Variants in CAPN10 observed in about 807,000 individuals in gnomAD.
The protein encoded by CAPN10 is calpain 10.
Under a neutral mutation model 78.4 loss-of-function variants are expected in CAPN10, and 71 were observed. The ratio of observed to expected loss-of-function variants is 0.91; its 90% CI spans 0.75 to 1.10. The LOEUF is 1.10. Among genes scored for constraint, CAPN10 ranks in the 50% least tolerant of loss-of-function variants. CAPN10 has a pLI of 0.00. For missense variants in CAPN10, 849 were observed against 924.6 expected (o/e 0.92, Z 1.06); for synonymous variants, 437 against 407.2 (o/e 1.07, Z -0.88).
At chr2:240,594,861 A>T (rs1323896103) in intron 6 of CAPN10, 152 bp downstream of exon 6, 1 of 1,193,106 alleles carries the variant, frequency 8.4e-7, no homozygotes, top group African/African-American at 1.5e-5. Flanking sequence ...GAGGGTGATG[A>T]TTCTGTCCCA....
chr2:240,591,093 G>T, intron 3 of CAPN10, 82 bp downstream of exon 3: 2 of 1,335,010 alleles, frequency 1.5e-6, no homozygotes, highest in Non-Finnish European at 2.1e-6. Flanking sequence ...GAGGGTCTCT[G>T]CTCACTCTGG....
At chr2:240,597,069 C>G (rs562195434) in intron 9 of CAPN10, 127 bp downstream of exon 9, 1 of 1,197,288 alleles carries the variant, frequency 8.4e-7, no homozygotes, top group Non-Finnish European at 1.2e-6. Flanking sequence ...CCCTTCGAGG[C>G]GCTGCCTAGA....
rs532006792 is a variant in CAPN10, at chr2:240,599,025, A to G, written c.*345A>G. 1 of 418,656 alleles carries G rather than the reference A, an allele frequency of 2.4e-6. No individual in the cohort carries two copies. Among genetic ancestry groups the G allele is most frequent in the African/African-American group, 2.0e-5 (1 of 50,980 alleles). The allele number at this position is 418,656 out of a possible 1,614,324, so 25.9% of individuals were successfully genotyped here. A position where few individuals can be genotyped will look rare whatever the true frequency, so the allele number is the denominator to read the frequency against. On this transcript the variant is annotated 3_prime_UTR_variant, in exon 12 of 12. Transcript: ENST00000391984. ...TCACACCCAGAGGGTAGGGCAGCAG[A>G]TCTTCTTTATAACTATTTATTGTTC...
In CAPN10 at chr2:240,593,919, G is replaced by C. The variant is rs958236911; in HGVS notation, c.702G>C (p.Leu234=). Reference sequence around the variant, plus strand: ...TTCCTCATGCAGGTGCCCGGGAGCTGGGGGAGTTCCATGCCTTCATTGTCT... The same window carrying C: ...TTCCTCATGCAGGTGCCCGGGAGCTCGGGGAGTTCCATGCCTTCATTGTCT... ...VLSPRAGARE[L]GEFHAFIVSD... The change falls in exon 5 of 12, where the codon CTG becomes CTC. Residue 234 remains leucine (L), a synonymous_variant. Coordinates refer to ENST00000391984, the MANE Select transcript of CAPN10 (RefSeq NM_023083.4). 74 of 1,602,336 alleles carry C rather than the reference G, an allele frequency of 4.6e-5. No homozygotes were observed. The highest frequency in any genetic ancestry group is 6.1e-5 in the Non-Finnish European group (72 of 1,171,922).
intron 9 of CAPN10, 62 bp downstream of exon 9, chr2:240,597,004 T>G: frequency 1.3e-6 from 2 of 1,596,290 alleles, no homozygotes; most frequent in South Asian, 2.2e-5. Flanking sequence ...ATTTGCATCT[T>G]GGCCTCCATT....
intron 2 of CAPN10, 185 bp downstream of exon 2, chr2:240,589,659 G>A (rs2093089062): frequency 3.2e-6 from 2 of 622,662 alleles, no homozygotes; most frequent in Admixed American, 3.7e-5. Context: ...CTCTGCTGCA[G>A]GGGGGGGTGC....
chr2:240,589,181 AAGGACACCCGCTGC>A (rs2093085789), intron 1 of CAPN10, among the ~76,000 whole-genome samples, 148 bp from the exon 2 acceptor site: 1 of 152,158 alleles, frequency 6.6e-6, no homozygotes, highest in Non-Finnish European at 1.5e-5. Context: ...CCAGGAGCTG[AAGGACACCCGCTGC>A]AGGAAACCAC....
intron 6 of CAPN10, 66 bp from the exon 7 acceptor site, chr2:240,594,958 G>A (rs914126319): frequency 1.3e-6 from 2 of 1,551,286 alleles, no homozygotes; most frequent in Non-Finnish European, 1.8e-6. Context: ...GGTTCATGAG[G>A]CCACCATGGC....
At chr2:240,593,859 A>T in intron 4 of CAPN10, 47 bp from the exon 5 acceptor site, 1 of 1,536,798 alleles carries the variant, frequency 6.5e-7, no homozygotes. Flanking sequence ...TCAGTTTGGG[A>T]CTCCATGGTG....
Position 240,592,341 on chromosome 2 carries a change from G to A in CAPN10, c.688+191G>A, listed in dbSNP as rs533405248. On this transcript the variant is annotated intron_variant, in intron 4 of 11. Coordinates refer to ENST00000391984, the MANE Select transcript of CAPN10 (RefSeq NM_023083.4). Reference sequence around the variant, plus strand: ...CCCTACTGTCCTCTTCCAGAGGGACGTGGCCCTTCTCTCCCCTGACCAGTC... The same window carrying A: ...CCCTACTGTCCTCTTCCAGAGGGACATGGCCCTTCTCTCCCCTGACCAGTC... The A allele has an allele frequency of 8.0e-5, 54 of 672,968 alleles. 1 individual carries two copies. In the East Asian group the frequency reaches 9.0e-4, roughly 11 times the overall value. The allele number at this position is 672,968 out of a possible 1,614,324, so 41.7% of individuals were successfully genotyped here. A position where few individuals can be genotyped will look rare whatever the true frequency, so the allele number is the denominator to read the frequency against.
intron 9 of CAPN10, among the ~76,000 whole-genome samples, chr2:240,597,277 G>T (rs567835808): frequency 6.6e-6 from 1 of 152,328 alleles, no homozygotes; most frequent in African/African-American, 2.4e-5. Context: ...GGTGGGTCGA[G>T]CCCTGGCTTG....
Position 240,596,709 on chromosome 2 carries a change from A to G in CAPN10, c.1510A>G (p.Thr504Ala), listed in dbSNP as rs7607759. 0.16 allele frequency: 247,352 copies of G among 1,563,144 alleles called. 20,757 individuals carry two copies. Among genetic ancestry groups the G allele is most frequent in the South Asian group, 0.19 (15,853 of 82,760 alleles). The change falls in exon 9 of 12, where the codon ACC becomes GCC. Residue 504 changes from threonine (T) to alanine (A), a missense_variant. By Grantham distance (58) the Thr-to-Ala change is moderately conservative (BLOSUM62 0). Transcript: ENST00000391984. ...SAIRAVAKNTTPGAALPAGEW... is the reference protein window; with the variant it reads ...SAIRAVAKNTAPGAALPAGEW... ...CATCAGGGCAGTGGCCAAGAACACC[A>G]CCCCCGGGGCAGCCCTGCCTGCGGG...
intron 7 of CAPN10, 179 bp from the exon 8 acceptor site, chr2:240,596,140 A>G (rs1203666318): frequency 1.3e-6 from 2 of 1,507,414 alleles, no homozygotes; most frequent in African/African-American, 2.8e-5. Context: ...GGGCCAAGTG[A>G]AGCCCGGGAT....
chr2:240,592,060 C>A lies in CAPN10; in HGVS notation c.598C>A (p.Pro200Thr), dbSNP rs3792268. The A allele has an allele frequency of 2.2e-3, 3,557 of 1,609,804 alleles. 48 individuals carry two copies. In the East Asian group the frequency reaches 0.049, roughly 22 times the overall value. Reference sequence around the variant, plus strand: ...AGGAAGCGGAGGCCAGCAGGACAGGCCAGGCCGCTGGGAGCACAGGACTTG... The same window carrying A: ...AGGAAGCGGAGGCCAGCAGGACAGGACAGGCCGCTGGGAGCACAGGACTTG... ...VAGSGGQQDR[P>T]GRWEHRTCRQ... The change falls in exon 4 of 12, where the codon CCA becomes ACA. Residue 200 changes from proline to threonine, a missense_variant. By Grantham distance (38) the Pro-to-Thr change is conservative. Transcript: ENST00000391984.
At chr2:240,593,002 G>A (rs1212139378) in intron 4 of CAPN10, 3 of 154,854 alleles carry the variant, frequency 1.9e-5, no homozygotes, top group Non-Finnish European at 2.9e-5. Context: ...TCCCCCATAA[G>A]CAGACCCTGA....
At chr2:240,594,405 G>T (rs756328257) in intron 5 of CAPN10, 138 bp from the exon 6 acceptor site, 4 of 840,302 alleles carry the variant, frequency 4.8e-6, no homozygotes, top group South Asian at 1.6e-5. Context: ...TGTGGGAGGG[G>T]CTGCAGAGCT....
chr2:240,592,380 C>T (rs936220791), intron 4 of CAPN10: 14 of 693,846 alleles, frequency 2.0e-5, no homozygotes, highest in Middle Eastern at 2.3e-4. Flanking sequence ...TCCACTAGTG[C>T]GAGGCAGGAA....
rs1329364662 is a variant in CAPN10, at chr2:240,598,025, C to G, written c.1881C>G (p.Pro627=). The G allele has an allele frequency of 1.2e-6, 2 of 1,613,230 alleles. No individual in the cohort carries two copies. Among genetic ancestry groups the G allele is most frequent in the East Asian group, 4.5e-5 (2 of 44,868 alleles). ...CTGCGGGCACCTACAAGGTTGTGCC[C>G]TCCACCTACCTGCCGGACACAGAGG... The part of the protein sequence containing the change: ...LLPAGTYKVV[P]STYLPDTEGA... Residue 627 remains proline, a synonymous_variant, in exon 10 of 12, where the codon CCC becomes CCG. Transcript: ENST00000391984.
At chr2:240,598,268 GTC>G (rs2093150351) in intron 10 of CAPN10, 82 bp from the exon 11 acceptor site, 1 of 1,521,354 alleles carries the variant, frequency 6.6e-7, no homozygotes, top group Non-Finnish European at 9.1e-7. Context: ...TGGAAGGAGA[GTC>G]TAGTGGGAGG....
Sources: allele counts gnomAD v4.1 joint callset (sites outside exome capture counted in the v4.1 genomes callset), GRCh38; gene constraint gnomAD v4.1.1; transcripts MANE v1.5; gene names NCBI Gene and HGNC (gene_info 2026-07-23, HGNC 2026-07-21).